Variants in LURAP1L observed in about 807,000 individuals in gnomAD.
LURAP1L encodes the protein leucine rich adaptor protein 1 like.
Under a neutral mutation model 13.8 loss-of-function variants are expected in LURAP1L, and 12 were observed. The ratio of observed to expected loss-of-function variants is 0.87; its 90% CI spans 0.56 to 1.41. The LOEUF is 1.41. Ranked by LOEUF, LURAP1L falls within the 40% of genes most tolerant of loss-of-function variation. The pLI is 0.00. For synonymous variants in LURAP1L, 139 were observed against 119.2 expected (o/e 1.17, Z -1.08); for missense variants, 375 against 292.9 (o/e 1.28, Z -2.04).
At chr9:12,821,183 T>C (rs1819875290) in intron 1 of LURAP1L, among the ~76,000 whole-genome samples, 2 of 152,306 alleles carry the variant, frequency 1.3e-5, no homozygotes, top group Middle Eastern at 3.4e-3. Flanking sequence ...TGGAGCCTGA[T>C]GCATCTGGCA....
intron 1 of LURAP1L, among the ~76,000 whole-genome samples, chr9:12,810,361 A>G (rs189687000): frequency 1.1e-4 from 17 of 152,298 alleles, no homozygotes; most frequent in Admixed American, 3.9e-4. Context: ...CTGTTAAGCT[A>G]TGATTCTCTG....
intron 1 of LURAP1L, among the ~76,000 whole-genome samples, chr9:12,820,807 C>G (rs1472079910): frequency 6.6e-6 from 1 of 152,028 alleles, no homozygotes; most frequent in Non-Finnish European, 1.5e-5. Context: ...GTACTCTTAA[C>G]TCTTTTCTAT....
At chr9:12,783,274 C>T (rs1412216961) in intron 1 of LURAP1L, among the ~76,000 whole-genome samples, 1 of 152,068 alleles carries the variant, frequency 6.6e-6, no homozygotes, top group East Asian at 1.9e-4. Context: ...TGGGCATCCT[C>T]CTTATTTCCA....
Position 12,775,735 on chromosome 9 carries a change from C to T in LURAP1L, c.20C>T (p.Pro7Leu), listed in dbSNP as rs761437854. Residue 7 changes from proline to leucine, a missense_variant, in exon 1 of 2, where the codon CCA becomes CTA. By Grantham distance (98) the Pro-to-Leu change is moderately conservative (BLOSUM62 -3). Coordinates refer to ENST00000319264, the MANE Select transcript of LURAP1L (RefSeq NM_203403.2). ...AAAGTCATGGAAGACAGCCCGCTGCCAGACCTCAGAGACATCGAGCTGAAG... is the reference window on the plus strand; with the variant it reads ...AAAGTCATGGAAGACAGCCCGCTGCTAGACCTCAGAGACATCGAGCTGAAG... MEDSPL[P>L]DLRDIELKLG... 1.3e-6 allele frequency: 2 copies of T among 1,588,638 alleles called. No homozygotes were observed. The highest frequency in any genetic ancestry group is 1.7e-6 in the Non-Finnish European group (2 of 1,171,064).
rs1819154403 is a variant in LURAP1L, at chr9:12,775,451, AAG to A, written c.-257_-256del. The stretch of plus-strand genomic sequence containing the variant: ...TCAACTTTGCAGTGAGGTGGCCAAA[AAG>A]AGAGAGAATGAGGAGATCTTGATCA... On this transcript the variant is annotated 5_prime_UTR_variant, in exon 1 of 2. Transcript: ENST00000319264. 2.4e-6 allele frequency: 1 copy of A among 422,362 alleles called. No homozygotes were observed. The highest frequency in any genetic ancestry group is 4.1e-6 in the Non-Finnish European group (1 of 245,442). 26.2% of individuals were successfully genotyped at this position (422,362 alleles called of 1,614,324 possible). A position where few individuals can be genotyped will look rare whatever the true frequency, so the allele number is the denominator to read the frequency against.
At chr9:12,796,014 A>T (rs1819507410) in intron 1 of LURAP1L, among the ~76,000 whole-genome samples, 1 of 152,086 alleles carries the variant, frequency 6.6e-6, no homozygotes, top group South Asian at 2.1e-4. Context: ...ATCAGGTATA[A>T]TTCTACAATT....
intron 1 of LURAP1L, among the ~76,000 whole-genome samples, chr9:12,813,542 G>C (rs959010962): frequency 6.6e-6 from 1 of 152,076 alleles, no homozygotes; most frequent in Non-Finnish European, 1.5e-5. Flanking sequence ...AGCAGAACTT[G>C]ATTTTTATTT....
intron 1 of LURAP1L, among the ~76,000 whole-genome samples, chr9:12,787,635 C>A (rs1313009582): frequency 6.6e-6 from 1 of 152,172 alleles, no homozygotes; most frequent in Admixed American, 6.5e-5. Context: ...ACTTCTCTGG[C>A]TCTCAAAGCA....
intron 1 of LURAP1L, among the ~76,000 whole-genome samples, chr9:12,777,923 T>C (rs1028941445): frequency 4.6e-5 from 7 of 152,042 alleles, no homozygotes; most frequent in Non-Finnish European, 1.0e-4. Flanking sequence ...TTTTTATAGG[T>C]TGGTGGAAAA....
chr9:12,810,595 T>G (rs1819723505), intron 1 of LURAP1L, among the ~76,000 whole-genome samples: 2 of 152,218 alleles, frequency 1.3e-5, no homozygotes, highest in African/African-American at 2.4e-5. Flanking sequence ...ATTTATTAGA[T>G]AAATTAATAT....
intron 1 of LURAP1L, among the ~76,000 whole-genome samples, chr9:12,792,642 T>C (rs1476316430): frequency 2.0e-5 from 3 of 152,112 alleles, no homozygotes; most frequent in South Asian, 2.1e-4. Flanking sequence ...ATCACTATTA[T>C]CATAAACGAC....
chr9:12,791,573 C>T (rs1440908865), intron 1 of LURAP1L, among the ~76,000 whole-genome samples: 1 of 151,728 alleles, frequency 6.6e-6, no homozygotes, highest in Admixed American at 6.6e-5. Flanking sequence ...CCAAAAGTTG[C>T]TATATATCCC....
Position 12,782,248 on chromosome 9 carries a change from G to A in LURAP1L, c.312+6221G>A, listed in dbSNP as rs186474464. On this transcript the variant is annotated intron_variant, in intron 1 of 1. Coordinates refer to ENST00000319264, the MANE Select transcript of LURAP1L (RefSeq NM_203403.2). ...TGGTTGTTTCCTTTGCTGTGCAGAA[G>A]TTTTTAACTTGATGTGATCCCATTT... Among the ~76,000 whole-genome samples the A allele has an allele frequency of 2.4e-3, 370 of 152,274 alleles. 1 individual carries two copies. Among genetic ancestry groups the A allele is most frequent in the Admixed American group, 3.7e-3 (56 of 15,288 alleles).
At position 12,794,506 on chromosome 9, in the gene LURAP1L, A is replaced by G. The variant is rs187356625; in HGVS notation, c.312+18479A>G. 1.8e-3 allele frequency among the ~76,000 whole-genome samples: 271 copies of G among 152,214 alleles called. 2 individuals carry two copies. Among genetic ancestry groups the G allele is most frequent in the African/African-American group, 5.9e-3 (247 of 41,566 alleles). On this transcript the variant is annotated intron_variant, in intron 1 of 1. Transcript: ENST00000319264. ...ATTAACTCTTCTGAGAACAAATAAA[A>G]TGAGTTAAGTATATGCTGAGAATGT...
At chr9:12,790,231 C>A (rs1195556738) in intron 1 of LURAP1L, among the ~76,000 whole-genome samples, 1 of 152,112 alleles carries the variant, frequency 6.6e-6, no homozygotes, top group African/African-American at 2.4e-5. Flanking sequence ...TTTAGGCTCC[C>A]TCTCTTATCT....
At chr9:12,783,020 C>A (rs1050540540) in intron 1 of LURAP1L, among the ~76,000 whole-genome samples, 1 of 151,460 alleles carries the variant, frequency 6.6e-6, no homozygotes, top group Non-Finnish European at 1.5e-5. Flanking sequence ...GATTGTTTGC[C>A]GTTGGCATAT....
chr9:12,775,528 C>G lies in LURAP1L; in HGVS notation c.-188C>G, dbSNP rs1188220333. The G allele has an allele frequency of 1.2e-6, 1 of 866,216 alleles. No individual in the cohort carries two copies. 53.7% of individuals were successfully genotyped at this position (866,216 alleles called of 1,614,324 possible). ...GGACTGGGAACTGCAGCTGCGACCCCCCGCGTCCTGTGCGGATTTCAGGGC... is the reference window on the plus strand; with the variant it reads ...GGACTGGGAACTGCAGCTGCGACCCGCCGCGTCCTGTGCGGATTTCAGGGC... On this transcript the variant is annotated 5_prime_UTR_variant, in exon 1 of 2. Coordinates refer to ENST00000319264, the MANE Select transcript of LURAP1L (RefSeq NM_203403.2).
intron 1 of LURAP1L, among the ~76,000 whole-genome samples, chr9:12,808,494 G>C (rs1319292291): frequency 1.3e-5 from 2 of 151,890 alleles, no homozygotes; most frequent in Admixed American, 1.3e-4. Flanking sequence ...GGATAATTCT[G>C]TTGGATACAG....
intron 1 of LURAP1L, among the ~76,000 whole-genome samples, chr9:12,813,430 A>G (rs1450835339): frequency 6.6e-6 from 1 of 152,174 alleles, no homozygotes; most frequent in Non-Finnish European, 1.5e-5. Context: ...AGTACCGAGT[A>G]TCTCTTATCA....
Sources: allele counts gnomAD v4.1 joint callset (sites outside exome capture counted in the v4.1 genomes callset), GRCh38; gene constraint gnomAD v4.1.1; transcripts MANE v1.5; gene names NCBI Gene and HGNC (gene_info 2026-07-23, HGNC 2026-07-21).